The following GABRG3 variants were observed in gnomAD, a reference collection of about 807,000 sequenced individuals.
The protein encoded by GABRG3 is gamma-aminobutyric acid receptor subunit gamma-3.
GABRG3 carries 25 observed loss-of-function variants against 48.8 expected under a neutral mutation model. The ratio of observed to expected loss-of-function variants is 0.51; its 90% CI spans 0.37 to 0.72. The LOEUF is 0.72. Among genes scored for constraint, GABRG3 ranks in the 30% least tolerant of loss-of-function variants. GABRG3 has a pLI of 0.00. For missense variants in GABRG3, 394 were observed against 577.9 expected, an observed-to-expected ratio of 0.68 and a Z score of 3.26; for synonymous variants, 227 against 217.6, an observed-to-expected ratio of 1.04 and a Z score of -0.38.
chr15:27,199,082 T>C (rs770277762), intron 3 of GABRG3, among the ~76,000 whole-genome samples: 17 of 152,018 alleles, frequency 1.1e-4, no homozygotes, highest in Non-Finnish European at 2.1e-4. Context: ...CACCATGGCA[T>C]ATGTATACCT....
intron 3 of GABRG3, among the ~76,000 whole-genome samples, chr15:27,205,685 T>C (rs1888829382): frequency 6.6e-6 from 1 of 152,064 alleles, no homozygotes; most frequent in African/African-American, 2.4e-5. Flanking sequence ...CTGAATTCAT[T>C]TGGGCCAGGG....
Position 27,100,173 on chromosome 15 carries a change from G to A in GABRG3, c.270+73352G>A, listed in dbSNP as rs1030392206. Among the ~76,000 whole-genome samples, 12 of 149,458 alleles carry A rather than the reference G, an allele frequency of 8.0e-5. No individual in the cohort carries two copies. In the East Asian group the frequency reaches 1.8e-3, roughly 22 times the overall value. ...GTGGAGGTTGCAGTGAGCCAAGATC[G>A]TGCCACTGCACTCCAGCCTGGGTGA... On this transcript the variant is annotated intron_variant, in intron 3 of 9. Coordinates refer to ENST00000615808, the MANE Select transcript of GABRG3 (RefSeq NM_033223.5).
At position 27,351,776 on chromosome 15, in the gene GABRG3, GTT is replaced by G. The variant is rs1327669537; in HGVS notation, c.574+22890_574+22891del. 4.9e-5 allele frequency among the ~76,000 whole-genome samples: 7 copies of G among 142,716 alleles called. No homozygotes were observed. The East Asian group carries it at 1.4e-3, about 29-fold the overall frequency. The allele number at this position is 142,716 out of a possible 152,430, so 93.6% of individuals were successfully genotyped here. A position where few individuals can be genotyped will look rare whatever the true frequency, so the allele number is the denominator to read the frequency against. ...TGTTTATGGTGTTTGTATAGTGTGTGTTTGTGTGTATGGTGTCTGTATATATG... is the reference window on the plus strand; with the variant it reads ...TGTTTATGGTGTTTGTATAGTGTGTGTGTGTGTATGGTGTCTGTATATATG... On this transcript the variant is annotated intron_variant, in intron 5 of 9. Coordinates refer to ENST00000615808, the MANE Select transcript of GABRG3 (RefSeq NM_033223.5).
intron 3 of GABRG3, among the ~76,000 whole-genome samples, chr15:27,070,277 A>G (rs189834567): frequency 1.7e-4 from 26 of 152,342 alleles, no homozygotes; most frequent in Middle Eastern, 3.4e-3. Flanking sequence ...ATTGCTTCCC[A>G]TTGGTAGGAT....
chr15:27,324,241 A>G (rs1197017351), intron 3 of GABRG3, among the ~76,000 whole-genome samples: 2 of 152,204 alleles, frequency 1.3e-5, no homozygotes, highest in South Asian at 4.1e-4. Flanking sequence ...CTGTCCTGGT[A>G]GAGACATCAA....
intron 3 of GABRG3, among the ~76,000 whole-genome samples, chr15:27,073,411 G>T (rs1012297321): frequency 6.6e-6 from 1 of 152,210 alleles, no homozygotes; most frequent in South Asian, 2.1e-4. Flanking sequence ...CTTCATAGTG[G>T]CTGTGTCCAA....
chr15:27,097,443 G>A (rs1897283582), intron 3 of GABRG3, among the ~76,000 whole-genome samples: 1 of 151,994 alleles, frequency 6.6e-6, no homozygotes, highest in South Asian at 2.1e-4. Context: ...ATTTTATTCA[G>A]TTATTTTTAC....
intron 3 of GABRG3, among the ~76,000 whole-genome samples, chr15:27,083,212 A>G (rs1897019596): frequency 6.6e-6 from 1 of 152,250 alleles, no homozygotes; most frequent in Non-Finnish European, 1.5e-5. Context: ...ACAAGCATTA[A>G]CAAATGCTGT....
intron 3 of GABRG3, among the ~76,000 whole-genome samples, chr15:27,172,911 A>C (rs1467341306): frequency 1.3e-5 from 2 of 152,140 alleles, no homozygotes; most frequent in Non-Finnish European, 2.9e-5. Context: ...TCTCGGGCCA[A>C]CTGTGATCCA....
rs148713985 is a variant in GABRG3, at chr15:27,218,579, C to T, written c.271-108230C>T. 2.0e-5 allele frequency among the ~76,000 whole-genome samples: 3 copies of T among 152,284 alleles called. No individual in the cohort carries two copies. In the East Asian group the frequency reaches 5.8e-4, roughly 30 times the overall value. The stretch of plus-strand genomic sequence containing the variant: ...GTGTTTCCGTTGCTCAGCGTCTCCA[C>T]TCGGTTCCCATCTGTCTGACTCAGT... On this transcript the variant is annotated intron_variant, in intron 3 of 9. Transcript: ENST00000615808.
intron 3 of GABRG3, among the ~76,000 whole-genome samples, chr15:27,250,966 C>T (rs966112734): frequency 1.3e-5 from 2 of 152,164 alleles, no homozygotes; most frequent in African/African-American, 4.8e-5. Context: ...GATCTTCAGC[C>T]ACACTTTACA....
chr15:27,235,166 A>G (rs1183226110), intron 3 of GABRG3, among the ~76,000 whole-genome samples: 1 of 152,240 alleles, frequency 6.6e-6, no homozygotes, highest in Admixed American at 6.5e-5. Flanking sequence ...TTGTTAAAAA[A>G]TGAAATTGTA....
intron 6 of GABRG3, among the ~76,000 whole-genome samples, chr15:27,487,726 G>T (rs1414535378): frequency 6.6e-6 from 1 of 152,138 alleles, no homozygotes; most frequent in Non-Finnish European, 1.5e-5. Context: ...TTGATCAGAA[G>T]GAAAGTCTTA....
chr15:27,213,589 G>C (rs1239956505), intron 3 of GABRG3, among the ~76,000 whole-genome samples: 1 of 152,204 alleles, frequency 6.6e-6, no homozygotes, highest in Non-Finnish European at 1.5e-5. Flanking sequence ...TGGATTATGT[G>C]GAACATGAGT....
intron 2 of GABRG3, among the ~76,000 whole-genome samples, chr15:26,994,054 T>G (rs991755027): frequency 2.6e-5 from 4 of 152,046 alleles, no homozygotes; most frequent in Non-Finnish European, 4.4e-5. Context: ...GCATGGAATA[T>G]CTTTTCCCAT....
intron 3 of GABRG3, among the ~76,000 whole-genome samples, chr15:27,249,387 C>T (rs1294238927): frequency 6.6e-6 from 1 of 152,188 alleles, no homozygotes; most frequent in African/African-American, 2.4e-5. Flanking sequence ...TCGGGGGCCC[C>T]CACCTCACCT....
intron 5 of GABRG3, among the ~76,000 whole-genome samples, chr15:27,468,537 G>A (rs1889687119): frequency 1.3e-5 from 2 of 152,170 alleles, no homozygotes; most frequent in South Asian, 4.1e-4. Flanking sequence ...TGGTATTTCA[G>A]GGTCTTATCA....
intron 3 of GABRG3, among the ~76,000 whole-genome samples, chr15:27,131,449 C>G (rs992560637): frequency 1.3e-5 from 2 of 151,894 alleles, no homozygotes; most frequent in African/African-American, 4.8e-5. Flanking sequence ...GCATTTCATT[C>G]AGGATTCTTG....
At chr15:27,435,481 A>T (rs1286281614) in intron 5 of GABRG3, among the ~76,000 whole-genome samples, 1 of 152,162 alleles carries the variant, frequency 6.6e-6, no homozygotes, top group East Asian at 1.9e-4. Flanking sequence ...GCACACAGCC[A>T]TGGTGCACTG....
Sources: gnomAD v4.1 joint callset for allele counts (sites outside exome capture counted in the v4.1 genomes callset) on GRCh38, gnomAD v4.1.1 for gene constraint, MANE v1.5 for transcripts, NCBI Gene and HGNC (gene_info 2026-07-23, HGNC 2026-07-21) for gene names.